Variants in TMEM182 observed in about 807,000 individuals in gnomAD.
TMEM182 encodes the protein transmembrane protein 182.
Under a neutral mutation model 26.8 loss-of-function variants are expected in TMEM182, and 20 were observed. The observed-to-expected ratio is 0.75, with a 90% CI of 0.53 to 1.09. The LOEUF is 1.09. Ranked by LOEUF, TMEM182 falls within the 50% of genes least tolerant of loss-of-function variation. TMEM182 has a pLI of 0.00. For synonymous variants in TMEM182, 109 were observed against 102.2 expected, an observed-to-expected ratio of 1.07 and a Z score of -0.40; for missense variants, 277 against 275.5, an observed-to-expected ratio of 1.01 and a Z score of -0.04.
At chr2:102,837,794 G>C (rs1683274306) in intron 3 of TMEM182, among the ~76,000 whole-genome samples, 1 of 152,146 alleles carries the variant, frequency 6.6e-6, no homozygotes, top group Non-Finnish European at 1.5e-5. Flanking sequence ...CACGCAGGCT[G>C]GTTTTGTTCT....
At chr2:102,819,344 G>C (rs1260849780), downstream of TMEM182, among the ~76,000 whole-genome samples, 1 of 152,072 alleles carries the variant, frequency 6.6e-6, no homozygotes, top group East Asian at 1.9e-4. Flanking sequence ...ATATATAAAG[G>C]CACTGTAAGA....
At chr2:102,801,919 C>T (rs970152767) in intron 4 of TMEM182, among the ~76,000 whole-genome samples, 2 of 152,138 alleles carry the variant, frequency 1.3e-5, no homozygotes, top group Non-Finnish European at 2.9e-5. Flanking sequence ...CTCAGCACAA[C>T]TCTACATTGT....
In TMEM182 at chr2:102,801,338, C is replaced by T. The variant is rs574437980; in HGVS notation, c.469+3338C>T. Among the ~76,000 whole-genome samples the T allele has an allele frequency of 3.2e-4, 49 of 152,108 alleles. 1 individual carries two copies. The highest frequency in any genetic ancestry group is 8.5e-4 in the Admixed American group (13 of 15,276). On this transcript the variant is annotated intron_variant, in intron 4 of 4. Coordinates refer to ENST00000412401, the MANE Select transcript of TMEM182 (RefSeq NM_144632.5). The stretch of plus-strand genomic sequence containing the variant: ...GTGGATTAACATCCTGAGACTGGGC[C>T]CAGAACAAAGACAGCTCTTGAACTT...
At chr2:102,754,805 G>A (rs560286616) in intron 1 of TMEM182, among the ~76,000 whole-genome samples, 8 of 152,254 alleles carry the variant, frequency 5.3e-5, no homozygotes, top group South Asian at 2.1e-4. Context: ...ACTTAATAAC[G>A]TGACTTGAGA....
At chr2:102,837,825 A>G (rs1258460518) in intron 3 of TMEM182, among the ~76,000 whole-genome samples, 6 of 152,018 alleles carry the variant, frequency 3.9e-5, no homozygotes, top group Admixed American at 3.9e-4. Flanking sequence ...TGGGCAGGAG[A>G]CTTCCAGGGA....
chr2:102,839,469 A>ATATATATATATG (rs1470812137), intron 3 of TMEM182, among the ~76,000 whole-genome samples: 3 of 145,198 alleles, frequency 2.1e-5, no homozygotes, highest in Non-Finnish European at 4.5e-5. Flanking sequence ...ATATATATAT[A>ATATATATATATG]TAATATATAC....
chr2:102,815,668 A>T lies in TMEM182; in HGVS notation c.*700A>T. 1.0e-6 allele frequency: 1 copy of T among 984,488 alleles called. No individual in the cohort carries two copies. The highest frequency in any genetic ancestry group is 1.2e-6 in the Non-Finnish European group (1 of 829,020). 61.0% of individuals were successfully genotyped at this position (984,488 alleles called of 1,614,324 possible). On this transcript the variant is annotated 3_prime_UTR_variant, in exon 5 of 5. Transcript: ENST00000412401. ...AGCAAATCTGCATACCAAATTATGT[A>T]TAACGTAGATTGAATTTTTATGAAC...
At chr2:102,834,201 C>G in intron 3 of TMEM182, among the ~76,000 whole-genome samples, 1 of 152,194 alleles carries the variant, frequency 6.6e-6, no homozygotes. Context: ...AATGACATGG[C>G]TGCCTATAGC....
intron 3 of TMEM182, among the ~76,000 whole-genome samples, chr2:102,828,859 A>G (rs993256393): frequency 9.2e-5 from 14 of 152,226 alleles, no homozygotes; most frequent in African/African-American, 3.4e-4. Flanking sequence ...ATGAAGGAGT[A>G]GCATCTAAAA....
At chr2:102,829,963 A>G (rs1683119594) in intron 3 of TMEM182, among the ~76,000 whole-genome samples, 1 of 152,178 alleles carries the variant, frequency 6.6e-6, no homozygotes, top group South Asian at 2.1e-4. Context: ...TACTGTTCAT[A>G]TTACCGGTAA....
chr2:102,772,939 GGTGTGTGTGT>G (rs71948151), intron 3 of TMEM182, among the ~76,000 whole-genome samples: 9 of 147,988 alleles, frequency 6.1e-5, no homozygotes, highest in African/African-American at 2.0e-4. Context: ...CTCTCTGAAG[GGTGTGTGTGT>G]GTGTGTGTGT....
chr2:102,799,540 A>G (rs528729515), intron 4 of TMEM182, among the ~76,000 whole-genome samples: 1 of 152,214 alleles, frequency 6.6e-6, no homozygotes, highest in Non-Finnish European at 1.5e-5. Context: ...TTTTATGCTT[A>G]GGTTCAACAA....
At chr2:102,786,041 A>AT (rs35677242) in intron 3 of TMEM182, among the ~76,000 whole-genome samples, 182 of 135,828 alleles carry the variant, frequency 1.3e-3, no homozygotes, top group Middle Eastern at 3.9e-3. Flanking sequence ...GTGTAGATTG[A>AT]TTTTTTTTTT....
chr2:102,816,280 TG>T lies in TMEM182; in HGVS notation c.*1313del, dbSNP rs1682742309. ...GTGCGGTGTTTCATTCTGCAGCTGT[TG>T]TGAGGACAGAGAGGCATGGCCCACA... On this transcript the variant is annotated 3_prime_UTR_variant, in exon 5 of 5. Transcript: ENST00000412401. 1 of 985,118 alleles carries T rather than the reference TG, an allele frequency of 1.0e-6. No homozygotes were observed. The allele number at this position is 985,118 out of a possible 1,614,324, so 61.0% of individuals were successfully genotyped here.
At chr2:102,842,984 G>A (rs1683383042) in intron 3 of TMEM182, among the ~76,000 whole-genome samples, 1 of 152,100 alleles carries the variant, frequency 6.6e-6, no homozygotes, top group Admixed American at 6.5e-5. Context: ...AAGAGGGTGG[G>A]CTTTTGATAC....
chr2:102,766,510 C>T (rs1680437816), intron 3 of TMEM182, among the ~76,000 whole-genome samples: 1 of 152,166 alleles, frequency 6.6e-6, no homozygotes, highest in East Asian at 1.9e-4. Flanking sequence ...ATACTATACA[C>T]AAGTTTCACT....
At chr2:102,783,077 A>G (rs1681243505) in intron 3 of TMEM182, among the ~76,000 whole-genome samples, 4 of 152,206 alleles carry the variant, frequency 2.6e-5, no homozygotes, top group Admixed American at 2.0e-4. Flanking sequence ...CCAGAGCAAC[A>G]GCTGTTGTTA....
intron 3 of TMEM182, among the ~76,000 whole-genome samples, chr2:102,828,415 G>A (rs1683085285): frequency 6.6e-6 from 1 of 152,196 alleles, no homozygotes; most frequent in Non-Finnish European, 1.5e-5. Context: ...TTCTGCCTGT[G>A]TAATTGAAAT....
At chr2:102,805,814 C>T (rs190477268) in intron 4 of TMEM182, among the ~76,000 whole-genome samples, 1 of 152,096 alleles carries the variant, frequency 6.6e-6, no homozygotes, top group East Asian at 1.9e-4. Context: ...GAGGCTGATG[C>T]AAGAGGATTG....
Sources: allele counts gnomAD v4.1 joint callset (sites outside exome capture counted in the v4.1 genomes callset), GRCh38; gene constraint gnomAD v4.1.1; transcripts MANE v1.5; gene names NCBI Gene and HGNC (gene_info 2026-07-23, HGNC 2026-07-21).